The following FLOT2 variants were observed in gnomAD, a reference collection of about 807,000 sequenced individuals.
FLOT2 encodes flotillin 2.
Under a neutral mutation model 54.9 loss-of-function variants are expected in FLOT2, and 35 were observed. The ratio of observed to expected loss-of-function variants is 0.64; its 90% confidence interval spans 0.49 to 0.84. The LOEUF (loss-of-function observed/expected upper bound fraction) is 0.84. FLOT2 is among the 40% of genes least tolerant of loss of function. The pLI, the probability that FLOT2 is intolerant of heterozygous loss-of-function variation, is 0.00. For missense variants in FLOT2, 464 were observed against 572.1 expected, an observed-to-expected ratio of 0.81 and a Z score of 1.93; for synonymous variants, 207 against 228.9, an observed-to-expected ratio of 0.90 and a Z score of 0.86.
rs2039490274 is a variant in FLOT2, at chr17:28,883,420, G to A, written c.223-189C>T. ...GCAGCACAAGGGCTTCTCTCACTAT[G>A]AAACTTCTCCTGCACTGACAGCCCC... is the stretch of plus-strand genomic sequence containing the variant. On this transcript the variant is annotated intron_variant, in intron 3 of 10. Coordinates refer to ENST00000394908, the MANE Select transcript of FLOT2 (RefSeq NM_004475.3). This position sits in a 1 kb window ranked among gnomAD's most constrained non-coding sequence, Gnocchi z 5.0. Among the ~76,000 whole-genome samples the A allele has an allele frequency of 6.6e-6, 1 of 152,134 alleles. No individual in the cohort carries two copies. Among genetic ancestry groups the A allele is most frequent in the East Asian group, 1.9e-4 (1 of 5,178 alleles).
Position 28,883,206 on chromosome 17 carries a change from A to C in FLOT2, c.248T>G (p.Leu83Arg). The stretch of plus-strand genomic sequence containing the variant: ...AAACTGCTCACAAGCCACGGCCAGG[A>C]GTTCCTTCTCCGTCATGATCTTCAC... ...AQVKIMTEKE[L>R]LAVACEQFLG... The change falls in exon 4 of 11, where the codon CTC (leucine) becomes CGC (arginine). Residue 83 changes from leucine (L) to arginine (R), a missense_variant. By Grantham distance (102) the Leu-to-Arg change is moderately radical. Coordinates refer to ENST00000394908, the MANE Select transcript of FLOT2 (RefSeq NM_004475.3). The surrounding 1 kb of genome is among the most constrained non-coding windows in gnomAD (Gnocchi z 5.0). The C allele has an allele frequency of 6.2e-7, 1 of 1,614,072 alleles. No individual in the cohort carries two copies. Among genetic ancestry groups the C allele is most frequent in the Non-Finnish European group, 8.5e-7 (1 of 1,179,984 alleles).
chr17:28,880,370 G>T lies in FLOT2; in HGVS notation c.*191C>A. ...AAGTGGCAGTGAAAGTGGGGTAAAG[G>T]AGAGGAAGAGGAGGAGGTGGACAGA... On this transcript the variant is annotated 3_prime_UTR_variant, in exon 11 of 11. Transcript: ENST00000394908. The T allele has an allele frequency of 2.8e-6, 4 of 1,441,800 alleles. No homozygotes were observed. Among genetic ancestry groups the T allele is most frequent in the Non-Finnish European group, 3.6e-6 (4 of 1,099,146 alleles). The allele number at this position is 1,441,800 out of a possible 1,614,324, so 89.3% of individuals were successfully genotyped here. A position where few individuals can be genotyped will look rare whatever the true frequency, so the allele number is the denominator to read the frequency against.
chr17:28,891,077 C>T (rs1741028151), intron 1 of FLOT2, among the ~76,000 whole-genome samples: 1 of 152,020 alleles, frequency 6.6e-6, no homozygotes, highest in Non-Finnish European at 1.5e-5. Flanking sequence ...GACAAGGTTT[C>T]ACCATGTTGC....
chr17:28,884,863 C>T lies in FLOT2; in HGVS notation c.132-548G>A, dbSNP rs1039473676. On this transcript the variant is annotated intron_variant, in intron 2 of 10. Coordinates refer to ENST00000394908, the MANE Select transcript of FLOT2 (RefSeq NM_004475.3). The surrounding 1 kb of genome is among the most constrained non-coding windows in gnomAD (Gnocchi z 5.1). ...AGATGGAAGTGATTCTGTACCTGCC[C>T]CTTGCCAGAGAAGCCCTACCTGGTG... 7.2e-5 allele frequency among the ~76,000 whole-genome samples: 11 copies of T among 152,160 alleles called. No individual in the cohort carries two copies. The highest frequency in any genetic ancestry group is 2.7e-4 in the African/African-American group (11 of 41,412).
chr17:28,883,339 C>G lies in FLOT2; in HGVS notation c.223-108G>C. 4 of 1,412,520 alleles carry G rather than the reference C, an allele frequency of 2.8e-6. No individual in the cohort carries two copies. In the South Asian group the frequency reaches 4.9e-5, roughly 17 times the overall value. The allele number at this position is 1,412,520 out of a possible 1,614,324, so 87.5% of individuals were successfully genotyped here. A position where few individuals can be genotyped will look rare whatever the true frequency, so the allele number is the denominator to read the frequency against. The stretch of plus-strand genomic sequence containing the variant: ...GCTGTGCCTCCTCCCTTCCTTTTTT[C>G]AGACCTGGAGGCCCTGGGGGGCTGG... On this transcript the variant is annotated intron_variant, in intron 3 of 10. Transcript: ENST00000394908. This position sits in a 1 kb window ranked among gnomAD's most constrained non-coding sequence, Gnocchi z 5.0.
Position 28,883,344 on chromosome 17 carries a change from C to G in FLOT2, c.223-113G>C. ...GCCTCCTCCCTTCCTTTTTTCAGAC[C>G]TGGAGGCCCTGGGGGGCTGGAATCT... is the stretch of plus-strand genomic sequence containing the variant. On this transcript the variant is annotated intron_variant, in intron 3 of 10. Transcript: ENST00000394908. This position sits in a 1 kb window ranked among gnomAD's most constrained non-coding sequence, Gnocchi z 5.0. 1 of 1,325,354 alleles carries G rather than the reference C, an allele frequency of 7.5e-7. No homozygotes were observed. The highest frequency in any genetic ancestry group is 1.1e-6 in the Non-Finnish European group (1 of 949,940). The allele number at this position is 1,325,354 out of a possible 1,614,324, so 82.1% of individuals were successfully genotyped here. A position where few individuals can be genotyped will look rare whatever the true frequency, so the allele number is the denominator to read the frequency against.
intron 2 of FLOT2, among the ~76,000 whole-genome samples, 177 bp downstream of exon 2, chr17:28,888,768 C>G (rs1007269948): frequency 6.6e-6 from 1 of 152,162 alleles, no homozygotes; most frequent in Non-Finnish European, 1.5e-5. Context: ...CACCCCTGTG[C>G]AACCCATCTT....
rs974307790 is a variant in FLOT2 at position 28,897,708 on chromosome 17, T to G, written c.-134A>C. 1.4e-6 allele frequency: 1 copy of G among 733,732 alleles called. No homozygotes were observed. The highest frequency in any genetic ancestry group is 1.9e-6 in the Non-Finnish European group (1 of 531,770). 45.5% of individuals were successfully genotyped at this position (733,732 alleles called of 1,614,324 possible). On this transcript the variant is annotated 5_prime_UTR_variant, in exon 1 of 11. Transcript: ENST00000394908. The surrounding 1 kb of genome is among the most constrained non-coding windows in gnomAD (Gnocchi z 4.4). Reference sequence around the variant, plus strand: ...GCCCGCTCGCTCGCCCGCGCCCCTCTGCGGTCGCAGCCCCGCCGGAAGTGT... The same window carrying G: ...GCCCGCTCGCTCGCCCGCGCCCCTCGGCGGTCGCAGCCCCGCCGGAAGTGT...
chr17:28,880,388 T>G lies in FLOT2; in HGVS notation c.*173A>C, dbSNP rs1598086460. On this transcript the variant is annotated 3_prime_UTR_variant, in exon 11 of 11. Coordinates refer to ENST00000394908, the MANE Select transcript of FLOT2 (RefSeq NM_004475.3). ...GGTAAAGGAGAGGAAGAGGAGGAGG[T>G]GGACAGACAGGAGAGACAGGAAGAC... 4.1e-6 allele frequency: 6 copies of G among 1,445,906 alleles called. No individual in the cohort carries two copies. Among genetic ancestry groups the G allele is most frequent in the African/African-American group, 2.9e-5 (2 of 69,278 alleles). The allele number at this position is 1,445,906 out of a possible 1,614,324, so 89.6% of individuals were successfully genotyped here.
Position 28,894,616 on chromosome 17 carries a change from C to CTTTTTTTT in FLOT2, c.49+2902_49+2909dup, listed in dbSNP as rs34266130. 1.6e-3 allele frequency among the ~76,000 whole-genome samples: 78 copies of CTTTTTTTT among 47,424 alleles called. 2 individuals carry two copies. The highest frequency in any genetic ancestry group is 2.9e-3 in the Non-Finnish European group (72 of 24,802). 31.1% of individuals were successfully genotyped at this position (47,424 alleles called of 152,430 possible). A position where few individuals can be genotyped will look rare whatever the true frequency, so the allele number is the denominator to read the frequency against. Reference sequence around the variant, plus strand: ...TCCAGCCTGGGCAACAGAGCAAGACCTTTTTTTTTTTTTTTTTTTTTTTTT... The same window carrying CTTTTTTTT: ...TCCAGCCTGGGCAACAGAGCAAGACCTTTTTTTTTTTTTTTTTTTTTTTTTTTTTTTTT... On this transcript the variant is annotated intron_variant, in intron 1 of 10. Transcript: ENST00000394908.
chr17:28,881,116 G>C, intron 9 of FLOT2, 76 bp downstream of exon 9: 1 of 1,389,518 alleles, frequency 7.2e-7, no homozygotes. Context: ...GCAAGGCCCA[G>C]AGAAGTTCTG....
chr17:28,883,235 T>A lies in FLOT2; in HGVS notation c.223-4A>T. On this transcript the variant is annotated splice_region_variant and splice_polypyrimidine_tract_variant and intron_variant, in intron 3 of 10. Coordinates refer to ENST00000394908, the MANE Select transcript of FLOT2 (RefSeq NM_004475.3). This position sits in a 1 kb window ranked among gnomAD's most constrained non-coding sequence, Gnocchi z 5.0. Reference sequence around the variant, plus strand: ...CCTTCTCCGTCATGATCTTCACCTGTCAGTGACGACAAAGGCGCTTCAGCT... The same window carrying A: ...CCTTCTCCGTCATGATCTTCACCTGACAGTGACGACAAAGGCGCTTCAGCT... 5.0e-6 allele frequency: 8 copies of A among 1,613,720 alleles called. No individual in the cohort carries two copies. The highest frequency in any genetic ancestry group is 5.9e-6 in the Non-Finnish European group (7 of 1,179,896).
chr17:28,885,548 C>T (rs1217037890), intron 2 of FLOT2: 3 of 716,240 alleles, frequency 4.2e-6, no homozygotes, highest in Non-Finnish European at 7.8e-6. Flanking sequence ...CACCCAAGCC[C>T]AAGAATAGAT....
intron 2 of FLOT2, 124 bp downstream of exon 2, chr17:28,888,821 G>A (rs897459019): frequency 1.6e-5 from 4 of 244,622 alleles, no homozygotes; most frequent in Admixed American, 4.9e-5. Context: ...CCCCTCCACC[G>A]CCAGAATGGA....
At chr17:28,880,917 C>T (rs572788698) in intron 9 of FLOT2, 55 bp from the exon 10 acceptor site, 128 of 1,599,708 alleles carry the variant, frequency 8.0e-5, no homozygotes, top group Admixed American at 2.2e-4. Context: ...GTTCTCAGCC[C>T]GGTCCAGCAT....
chr17:28,881,342 A>C lies in FLOT2; in HGVS notation c.948T>G (p.Ala316=). The change falls in exon 9 of 11, where the codon GCT becomes GCG. Residue 316 remains alanine, a synonymous_variant. Coordinates refer to ENST00000394908, the MANE Select transcript of FLOT2 (RefSeq NM_004475.3). ...CCTCCCCGATTTTGCGGATCTTCTC[A>C]GCCTCTGCCTGTGCCAAGAGGACCT... is the stretch of plus-strand genomic sequence containing the variant. ...VKQVLLAQAE[A]EKIRKIGEAE... The C allele has an allele frequency of 6.2e-7, 1 of 1,613,328 alleles. No homozygotes were observed. Among genetic ancestry groups the C allele is most frequent in the Non-Finnish European group, 8.5e-7 (1 of 1,180,008 alleles).
rs7215982 is a variant in FLOT2, at chr17:28,897,576, G to A, written c.-2C>T. 109 of 1,597,098 alleles carry A rather than the reference G, an allele frequency of 6.8e-5. 2 individuals are homozygous for A. In the African/African-American group the frequency reaches 9.9e-4, roughly 14 times the overall value. On this transcript the variant is annotated 5_prime_UTR_variant, in exon 1 of 11. Coordinates refer to ENST00000394908, the MANE Select transcript of FLOT2 (RefSeq NM_004475.3). The surrounding 1 kb of genome is among the most constrained non-coding windows in gnomAD (Gnocchi z 4.4). ...CCCCACCGTGTGGCAATTGCCCATG[G>A]CGCCGGCGGCACGGAGGGCCCTCGG...
At chr17:28,895,311 T>C (rs1163645826) in intron 1 of FLOT2, among the ~76,000 whole-genome samples, 1 of 152,232 alleles carries the variant, frequency 6.6e-6, no homozygotes, top group African/African-American at 2.4e-5. Flanking sequence ...TCTTTATTAA[T>C]ACATTAAATA....
chr17:28,887,026 G>A (rs1187282373), intron 2 of FLOT2, among the ~76,000 whole-genome samples: 2 of 151,986 alleles, frequency 1.3e-5, no homozygotes, highest in Non-Finnish European at 2.9e-5. Flanking sequence ...GAGGGAGGGA[G>A]GGAGGAAGGG....
Sources: allele counts gnomAD v4.1 joint callset (sites outside exome capture counted in the v4.1 genomes callset), GRCh38; gene constraint gnomAD v4.1.1; non-coding constraint Gnocchi (gnomAD v3.1); transcripts MANE v1.5; gene names NCBI Gene and HGNC (gene_info 2026-07-23, HGNC 2026-07-21).